CDK17: variants seen among roughly 807,000 people sequenced by gnomAD.
CDK17 encodes cyclin dependent kinase 17.
CDK17 carries 24 observed loss-of-function variants against 77.6 expected under a neutral mutation model. The observed-to-expected ratio is 0.31, with a 90% CI of 0.22 to 0.44. The LOEUF (loss-of-function observed/expected upper bound fraction) is 0.44, where lower values mean the gene tolerates loss of function less well. Ranked by LOEUF, CDK17 falls within the 20% of genes least tolerant of loss-of-function variation. The probability of loss-of-function intolerance (pLI) is 1.00; values close to 1 mark genes in which losing one functional copy is unlikely to be tolerated. For synonymous variants in CDK17, 203 were observed against 210.4 expected (o/e 0.96, Z 0.30); for missense variants, 429 against 622.5 (o/e 0.69, Z 3.31).
intron 5 of CDK17, chr12:96,303,596 C>T (rs1435747521): frequency 6.6e-6 from 1 of 151,892 alleles, no homozygotes; most frequent in African/African-American, 2.4e-5. Flanking sequence ...TTCACTGTTC[C>T]AAGAAAATAC....
At chr12:96,308,722 C>T (rs1191073644) in intron 5 of CDK17, among the ~76,000 whole-genome samples, 1 of 52,410 alleles carries the variant, frequency 1.9e-5, no homozygotes, top group East Asian at 9.2e-4. Context: ...AGCAGGACTC[C>T]GTCTCCAAAA....
intron 1 of CDK17, among the ~76,000 whole-genome samples, chr12:96,339,982 T>A (rs1953100334): frequency 6.6e-6 from 1 of 151,848 alleles, no homozygotes; most frequent in Non-Finnish European, 1.5e-5. Flanking sequence ...GATGTTTAAG[T>A]AAAAAAATCA....
intron 5 of CDK17, among the ~76,000 whole-genome samples, chr12:96,309,709 A>G (rs2137102024): frequency 6.6e-6 from 1 of 152,378 alleles, no homozygotes; most frequent in South Asian, 2.1e-4. Context: ...AAATATAAAC[A>G]TACAATAAAC....
At chr12:96,379,755 A>G (rs1464471708) in intron 1 of CDK17, among the ~76,000 whole-genome samples, 1 of 152,106 alleles carries the variant, frequency 6.6e-6, no homozygotes, top group Non-Finnish European at 1.5e-5. Context: ...TATATCTCTT[A>G]TTTCCCCAAA....
rs148696934 is a variant in CDK17, at chr12:96,299,356, G to A, written c.601-373C>T. Among the ~76,000 whole-genome samples, 308 of 151,334 alleles carry A rather than the reference G, an allele frequency of 2.0e-3. 1 individual carries two copies. Among genetic ancestry groups the A allele is most frequent in the African/African-American group, 6.9e-3 (286 of 41,302 alleles). On this transcript the variant is annotated intron_variant, in intron 6 of 16. Coordinates refer to ENST00000261211, the MANE Select transcript of CDK17 (RefSeq NM_002595.5). ...TAATTGAACATATTAATTGAAAAAT[G>A]AAAACATAATGTACATATTGTTAAA...
At chr12:96,338,845 T>A (rs1953084098) in intron 1 of CDK17, among the ~76,000 whole-genome samples, 1 of 152,122 alleles carries the variant, frequency 6.6e-6, no homozygotes, top group African/African-American at 2.4e-5. Context: ...CATTTTTAAG[T>A]GCAGTTTCAG....
At chr12:96,349,799 G>C (rs1321307438) in intron 1 of CDK17, among the ~76,000 whole-genome samples, 1 of 152,008 alleles carries the variant, frequency 6.6e-6, no homozygotes, top group East Asian at 1.9e-4. Context: ...GAAATATAAG[G>C]CAGCCAAATA....
chr12:96,390,726 A>G (rs1954054193), intron 1 of CDK17, among the ~76,000 whole-genome samples: 1 of 149,914 alleles, frequency 6.7e-6, no homozygotes, highest in African/African-American at 2.4e-5. Flanking sequence ...AAAAAAAAAA[A>G]AAGACAGAAA....
At chr12:96,384,563 G>A (rs758173054) in intron 1 of CDK17, among the ~76,000 whole-genome samples, 21 of 152,190 alleles carry the variant, frequency 1.4e-4, no homozygotes, top group Non-Finnish European at 2.6e-4. Flanking sequence ...ACACCATGGA[G>A]TACTGTATAG....
chr12:96,339,369 G>A (rs114196556), intron 1 of CDK17, among the ~76,000 whole-genome samples: 7,869 of 151,878 alleles, frequency 0.052, 266 homozygotes, highest in Non-Finnish European at 0.064. Flanking sequence ...GGGGCTGGGG[G>A]AAGGACAGGA....
At chr12:96,397,349 A>C (rs1424077596) in intron 1 of CDK17, among the ~76,000 whole-genome samples, 2 of 152,172 alleles carry the variant, frequency 1.3e-5, no homozygotes, top group Non-Finnish European at 2.9e-5. Context: ...ATGAAGCTGC[A>C]ATACACATGG....
At chr12:96,307,550 G>T (rs921160446) in intron 5 of CDK17, among the ~76,000 whole-genome samples, 1 of 152,058 alleles carries the variant, frequency 6.6e-6, no homozygotes, top group South Asian at 2.1e-4. Context: ...CTTTTGACTT[G>T]ACAATCAAAT....
chr12:96,337,711 C>A (rs1027966147), intron 1 of CDK17, among the ~76,000 whole-genome samples: 3 of 152,170 alleles, frequency 2.0e-5, no homozygotes, highest in African/African-American at 7.2e-5. Context: ...TGTTTAAACA[C>A]ACTAGATATT....
At chr12:96,313,234 G>C (rs1952666771) in intron 4 of CDK17, 87 bp downstream of exon 4, 12 of 1,047,250 alleles carry the variant, frequency 1.1e-5, no homozygotes, top group Non-Finnish European at 1.6e-5. Flanking sequence ...ATTTTTAAAT[G>C]GGCATTTACT....
intron 1 of CDK17, among the ~76,000 whole-genome samples, chr12:96,345,561 A>G (rs1391476174): frequency 6.6e-6 from 1 of 152,168 alleles, no homozygotes; most frequent in South Asian, 2.1e-4. Context: ...TTTGATTTGC[A>G]TTTATCTTAA....
chr12:96,352,014 A>C (rs1443075264), intron 1 of CDK17, among the ~76,000 whole-genome samples: 5 of 152,222 alleles, frequency 3.3e-5, no homozygotes, highest in Admixed American at 6.5e-5. Flanking sequence ...TAGAGGAACA[A>C]GCCCTTTCTG....
intron 1 of CDK17, among the ~76,000 whole-genome samples, chr12:96,338,666 CA>C (rs1231436761): frequency 6.6e-6 from 1 of 152,054 alleles, no homozygotes; most frequent in Admixed American, 6.6e-5. Context: ...GCTGGGATTA[CA>C]GGCATGAGAC....
chr12:96,334,692 G>A (rs889421092), intron 2 of CDK17, 27 bp downstream of exon 2: 4 of 1,146,588 alleles, frequency 3.5e-6, no homozygotes, highest in Non-Finnish European at 5.2e-6. Flanking sequence ...AAAGGAGGAA[G>A]CATCTCCCCC....
At chr12:96,280,338 T>C (rs1485787649) in intron 16 of CDK17, 59 bp from the exon 17 acceptor site, 1 of 1,539,170 alleles carries the variant, frequency 6.5e-7, no homozygotes, top group Non-Finnish European at 8.8e-7. Flanking sequence ...CCACATACAG[T>C]TATTTGGTGA....
Sources: allele counts gnomAD v4.1 joint callset (sites outside exome capture counted in the v4.1 genomes callset), GRCh38; gene constraint gnomAD v4.1.1; transcripts MANE v1.5; gene names NCBI Gene and HGNC (gene_info 2026-07-23, HGNC 2026-07-21).